Variants in STXBP4 observed in about 807,000 individuals in gnomAD.
STXBP4 encodes syntaxin binding protein 4, also known as syntaxin-binding protein 4.
In STXBP4, 55 loss-of-function variants were observed where a neutral mutation model predicts 76.1. The observed-to-expected ratio is 0.72, with a 90% CI of 0.58 to 0.91. The LOEUF is 0.91. Among genes scored for constraint, STXBP4 ranks in the 40% least tolerant of loss-of-function variants. The pLI is 0.00. For synonymous variants in STXBP4, 201 were observed against 220.2 expected, an observed-to-expected ratio of 0.91 and a Z score of 0.77; for missense variants, 618 against 636.9, an observed-to-expected ratio of 0.97 and a Z score of 0.32.
intron 16 of STXBP4, among the ~76,000 whole-genome samples, chr17:55,104,399 A>G (rs780180377): frequency 6.6e-6 from 1 of 152,028 alleles, no homozygotes; most frequent in Non-Finnish European, 1.5e-5. Flanking sequence ...GGTTTTTGTC[A>G]TTGATTCTGT....
chr17:55,213,044 C>T, the STXBP4 span, among the ~76,000 whole-genome samples: 16 of 152,138 alleles, frequency 1.1e-4, no homozygotes, highest in African/African-American at 3.9e-4. Context: ...CTGGGGACAC[C>T]GTGGTGTAGA....
intron 12 of STXBP4, among the ~76,000 whole-genome samples, chr17:55,059,278 G>A (rs1377230863): frequency 2.0e-5 from 3 of 152,098 alleles, no homozygotes; most frequent in Non-Finnish European, 4.4e-5. Flanking sequence ...ACATATTGGT[G>A]TGTAAAAAAG....
intron 1 of STXBP4, among the ~76,000 whole-genome samples, 188 bp from the exon 2 acceptor site, chr17:54,985,426 A>G (rs1340741161): frequency 6.6e-6 from 1 of 152,158 alleles, no homozygotes; most frequent in East Asian, 1.9e-4. Flanking sequence ...TCAGGAAGAG[A>G]GTTGTACTAA....
At chr17:55,159,654 T>C in intron 17 of STXBP4, 143 bp from the exon 18 acceptor site, 1 of 534,558 alleles carries the variant, frequency 1.9e-6, no homozygotes, top group Non-Finnish European at 3.3e-6. Flanking sequence ...CTAAGACTTA[T>C]TAAAGCTATT....
chr17:55,048,693 T>A (rs565604133), intron 12 of STXBP4, among the ~76,000 whole-genome samples: 6 of 151,694 alleles, frequency 4.0e-5, no homozygotes, highest in African/African-American at 1.4e-4. Context: ...CAAAATCCTA[T>A]CAGAAATGAA....
At chr17:55,100,925 G>A (rs2079555576) in intron 16 of STXBP4, among the ~76,000 whole-genome samples, 1 of 152,138 alleles carries the variant, frequency 6.6e-6, no homozygotes, top group Non-Finnish European at 1.5e-5. Flanking sequence ...AAGGAGCTGA[G>A]GACAGTCTCC....
intron 8 of STXBP4, among the ~76,000 whole-genome samples, chr17:55,022,146 A>G (rs1456499660): frequency 6.6e-6 from 1 of 152,026 alleles, no homozygotes; most frequent in Non-Finnish European, 1.5e-5. Context: ...TTGTTCATCA[A>G]TAAAATCCTG....
At chr17:54,972,760 C>G (rs962083420) in intron 1 of STXBP4, among the ~76,000 whole-genome samples, 1 of 152,108 alleles carries the variant, frequency 6.6e-6, no homozygotes, top group Non-Finnish European at 1.5e-5. Flanking sequence ...CAGCAGAGAC[C>G]CTAGAAAATT....
intron 16 of STXBP4, among the ~76,000 whole-genome samples, chr17:55,129,144 G>T (rs762413744): frequency 1.3e-5 from 2 of 151,502 alleles, no homozygotes; most frequent in African/African-American, 4.8e-5. Flanking sequence ...TGGCCAGGAT[G>T]GTCTCGATCT....
chr17:55,120,804 GAAGA>G (rs2079835310), intron 16 of STXBP4, among the ~76,000 whole-genome samples: 2 of 136,596 alleles, frequency 1.5e-5, no homozygotes, highest in East Asian at 2.0e-4. Flanking sequence ...GTGTTTCCTA[GAAGA>G]AAGAGTGTTT....
chr17:55,028,762 C>G (rs1490870089), intron 8 of STXBP4, among the ~76,000 whole-genome samples: 1 of 151,770 alleles, frequency 6.6e-6, no homozygotes, highest in African/African-American at 2.4e-5. Context: ...TAGGGGAATT[C>G]AAATTAACAA....
chr17:55,038,847 G>A (rs1282311232), intron 10 of STXBP4, among the ~76,000 whole-genome samples: 2 of 152,048 alleles, frequency 1.3e-5, no homozygotes, highest in Non-Finnish European at 2.9e-5. Context: ...CTCTTGTTAA[G>A]TCAATTTAGT....
intron 13 of STXBP4, among the ~76,000 whole-genome samples, chr17:55,076,833 T>C (rs1313041936): frequency 6.6e-6 from 1 of 152,182 alleles, no homozygotes. Flanking sequence ...CCCATTTGTA[T>C]TTCAATTTTT....
chr17:55,141,793 ATTTGCTG>A (rs1342441869), intron 17 of STXBP4, among the ~76,000 whole-genome samples: 2 of 152,150 alleles, frequency 1.3e-5, no homozygotes, highest in Admixed American at 6.6e-5. Context: ...TTTTTTGAGC[ATTTGCTG>A]TTTGCCAGGC....
At chr17:55,031,119 T>C in intron 8 of STXBP4, 49 bp from the exon 9 acceptor site, 2 of 1,408,174 alleles carry the variant, frequency 1.4e-6, no homozygotes, top group South Asian at 1.2e-5. Flanking sequence ...AAAAGTTTTA[T>C]TCTTTGGAGA....
chr17:55,098,460 G>A (rs2079522068), intron 16 of STXBP4, among the ~76,000 whole-genome samples: 1 of 152,112 alleles, frequency 6.6e-6, no homozygotes, highest in African/African-American at 2.4e-5. Context: ...ATAGGAATGA[G>A]GTCTAAATAC....
the STXBP4 span, among the ~76,000 whole-genome samples, chr17:55,194,551 A>G: frequency 6.6e-6 from 1 of 152,168 alleles, no homozygotes; most frequent in Admixed American, 6.5e-5. Flanking sequence ...AAAGCAGCTA[A>G]TACTCGCCCC....
At chr17:55,049,620 C>T (rs2078833899) in intron 12 of STXBP4, among the ~76,000 whole-genome samples, 2 of 151,480 alleles carry the variant, frequency 1.3e-5, no homozygotes, top group South Asian at 2.1e-4. Context: ...TTCATAAACA[C>T]CAAAAAGAAT....
intron 11 of STXBP4, among the ~76,000 whole-genome samples, chr17:55,045,355 C>T (rs1007701393): frequency 6.6e-6 from 1 of 152,124 alleles, no homozygotes; most frequent in African/African-American, 2.4e-5. Flanking sequence ...TCTTAGAAAA[C>T]TTCCCCAGTG....
Sources: allele counts gnomAD v4.1 joint callset (sites outside exome capture counted in the v4.1 genomes callset), GRCh38; gene constraint gnomAD v4.1.1; transcripts MANE v1.5; gene names NCBI Gene and HGNC (gene_info 2026-07-23, HGNC 2026-07-21).